NEK7: variants seen among roughly 807,000 people sequenced by gnomAD.
NEK7 encodes serine/threonine-protein kinase Nek7.
In NEK7, 18 loss-of-function variants were observed where a neutral mutation model predicts 44.6. The observed-to-expected ratio is 0.40, with a 90% CI of 0.28 to 0.60. The LOEUF (loss-of-function observed/expected upper bound fraction) is 0.60. NEK7 is among the 20% of genes least tolerant of loss of function. The pLI is 0.38. For missense variants in NEK7, 256 were observed against 366.5 expected (o/e 0.70, Z 2.46); for synonymous variants, 130 against 121.1 (o/e 1.07, Z -0.48).
At chr1:198,178,443 C>T (rs367918244) in intron 1 of NEK7, among the ~76,000 whole-genome samples, 1 of 151,886 alleles carries the variant, frequency 6.6e-6, no homozygotes, top group Admixed American at 6.6e-5. Flanking sequence ...ATATGTTGGT[C>T]GAATATTGAC....
At chr1:198,310,622 A>T (rs1259217207) in intron 9 of NEK7, among the ~76,000 whole-genome samples, 1 of 151,730 alleles carries the variant, frequency 6.6e-6, no homozygotes. Context: ...TTTTTGTATA[A>T]GGTGTAAGGA....
chr1:198,271,177 C>T (rs990011503), intron 5 of NEK7, among the ~76,000 whole-genome samples: 25 of 151,970 alleles, frequency 1.6e-4, no homozygotes, highest in African/African-American at 6.0e-4. Flanking sequence ...GTCATGACTA[C>T]CCATGCTAAT....
chr1:198,182,780 T>C (rs993955576), intron 1 of NEK7, among the ~76,000 whole-genome samples: 1 of 152,146 alleles, frequency 6.6e-6, no homozygotes, highest in Non-Finnish European at 1.5e-5. Context: ...TGAGAAGGCT[T>C]ATTATGGGAA....
intron 9 of NEK7, among the ~76,000 whole-genome samples, chr1:198,314,700 T>C (rs956069005): frequency 6.6e-6 from 1 of 152,076 alleles, no homozygotes; most frequent in Non-Finnish European, 1.5e-5. Context: ...CCGTGTGAGG[T>C]GTCAGTATGC....
At chr1:198,267,332 C>A (rs895287340) in intron 5 of NEK7, among the ~76,000 whole-genome samples, 3 of 152,038 alleles carry the variant, frequency 2.0e-5, no homozygotes, top group African/African-American at 7.2e-5. Flanking sequence ...GTGGGGAAGT[C>A]AAATAAAATG....
At chr1:198,270,664 T>C (rs891412353) in intron 5 of NEK7, among the ~76,000 whole-genome samples, 5 of 152,116 alleles carry the variant, frequency 3.3e-5, no homozygotes, top group Non-Finnish European at 5.9e-5. Flanking sequence ...AGGTCATTCC[T>C]TCTAAATTTG....
intron 1 of NEK7, among the ~76,000 whole-genome samples, chr1:198,203,738 C>T (rs1033281087): frequency 2.6e-5 from 4 of 152,116 alleles, no homozygotes; most frequent in African/African-American, 4.8e-5. Context: ...ATGAACCTCA[C>T]CCCCCACATC....
At chr1:198,256,650 G>T in intron 3 of NEK7, 1 of 785,914 alleles carries the variant, frequency 1.3e-6, no homozygotes, top group East Asian at 2.9e-5. Flanking sequence ...AGTGTCTAAG[G>T]CTTTAGGAAG....
At chr1:198,240,494 C>G (rs1217539147) in intron 2 of NEK7, among the ~76,000 whole-genome samples, 2 of 114,066 alleles carry the variant, frequency 1.8e-5, no homozygotes, top group African/African-American at 8.9e-5. Flanking sequence ...AGTGAGACTC[C>G]GTCTCAAAAA....
intron 9 of NEK7, among the ~76,000 whole-genome samples, chr1:198,311,361 T>C (rs982506645): frequency 5.9e-5 from 9 of 152,186 alleles, no homozygotes; most frequent in Admixed American, 2.6e-4. Flanking sequence ...TTTTTGTAGA[T>C]ATACAATCAT....
At chr1:198,164,836 CT>C (rs1216702117) in intron 1 of NEK7, among the ~76,000 whole-genome samples, 1 of 152,166 alleles carries the variant, frequency 6.6e-6, no homozygotes. Flanking sequence ...AAAAATTTCT[CT>C]GTAGCATATG....
chr1:198,199,942 G>C (rs1423660476), intron 1 of NEK7, among the ~76,000 whole-genome samples: 1 of 151,952 alleles, frequency 6.6e-6, no homozygotes, highest in Non-Finnish European at 1.5e-5. Context: ...ATTTAAATCT[G>C]TCATCTTATT....
chr1:198,285,041 C>T (rs1259050296), intron 7 of NEK7, among the ~76,000 whole-genome samples: 3 of 152,044 alleles, frequency 2.0e-5, no homozygotes, highest in East Asian at 1.9e-4. Flanking sequence ...TGACTGCCCC[C>T]GCTTCACTCC....
chr1:198,295,639 C>G (rs1654692737), intron 8 of NEK7, among the ~76,000 whole-genome samples: 1 of 149,356 alleles, frequency 6.7e-6, no homozygotes, highest in African/African-American at 2.5e-5. Context: ...TTTTTTTTAA[C>G]ACTCTGCAGT....
At chr1:198,306,463 G>T (rs1419665732) in intron 9 of NEK7, among the ~76,000 whole-genome samples, 1 of 152,016 alleles carries the variant, frequency 6.6e-6, no homozygotes, top group Non-Finnish European at 1.5e-5. Flanking sequence ...GTAAAAATGG[G>T]TTTTTCTCTT....
At chr1:198,212,583 A>T (rs1226994390) in intron 1 of NEK7, among the ~76,000 whole-genome samples, 1 of 152,186 alleles carries the variant, frequency 6.6e-6, no homozygotes, top group African/African-American at 2.4e-5. Flanking sequence ...TTGTGCCTGC[A>T]CGTGGGGAGC....
intron 4 of NEK7, among the ~76,000 whole-genome samples, chr1:198,263,359 A>G (rs1653543075): frequency 1.3e-5 from 2 of 151,956 alleles, no homozygotes; most frequent in Admixed American, 1.3e-4. Context: ...TGGCACATGA[A>G]GTAGCTGGCT....
At chr1:198,281,483 A>G (rs1281870463) in intron 7 of NEK7, among the ~76,000 whole-genome samples, 2 of 152,078 alleles carry the variant, frequency 1.3e-5, no homozygotes, top group East Asian at 1.9e-4. Context: ...AACTATAAAT[A>G]AATGAAATCT....
chr1:198,175,683 G>A (rs568244179), intron 1 of NEK7, among the ~76,000 whole-genome samples: 21 of 152,190 alleles, frequency 1.4e-4, no homozygotes, highest in African/African-American at 5.1e-4. Flanking sequence ...AAACATGAGG[G>A]GAATTTGTAA....
Sources: allele counts gnomAD v4.1 joint callset (sites outside exome capture counted in the v4.1 genomes callset), GRCh38; gene constraint gnomAD v4.1.1; transcripts MANE v1.5; gene names NCBI Gene and HGNC (gene_info 2026-07-23, HGNC 2026-07-21).